The following CPAMD8 variants were observed in gnomAD, a reference collection of about 807,000 sequenced individuals.
The protein encoded by CPAMD8 is C3 and PZP-like alpha-2-macroglobulin domain-containing protein 8.
CPAMD8 carries 146 observed loss-of-function variants against 224.7 expected under a neutral mutation model. That is an observed-to-expected ratio of 0.65 (90% CI 0.57 to 0.75). CPAMD8 has a LOEUF of 0.75. Among genes scored for constraint, CPAMD8 ranks in the 30% least tolerant of loss-of-function variants. CPAMD8 has a pLI of 0.00. For synonymous variants in CPAMD8, 966 were observed against 1,044.6 expected, an observed-to-expected ratio of 0.92 and a Z score of 1.45; for missense variants, 2,301 against 2,537.5, an observed-to-expected ratio of 0.91 and a Z score of 2.00.
intron 20 of CPAMD8, among the ~76,000 whole-genome samples, chr19:16,949,543 C>T (rs1285848039): frequency 3.3e-5 from 5 of 152,130 alleles, no homozygotes; most frequent in Admixed American, 3.3e-4. Flanking sequence ...ATTTACTCCT[C>T]ACCGAAGCCA....
intron 14 of CPAMD8, 55 bp from the exon 15 acceptor site, chr19:16,977,595 C>A: frequency 2.2e-6 from 3 of 1,394,738 alleles, no homozygotes; most frequent in Non-Finnish European, 2.9e-6. Flanking sequence ...CGACATGCAA[C>A]CTCAGCCATT....
intron 21 of CPAMD8, among the ~76,000 whole-genome samples, chr19:16,946,264 G>C (rs1158262184): frequency 6.7e-6 from 1 of 150,192 alleles, no homozygotes; most frequent in Non-Finnish European, 1.5e-5. Context: ...ATGTGGGCAT[G>C]TGTGTGTGTG....
chr19:16,988,248 T>C (rs2055815073), intron 13 of CPAMD8, among the ~76,000 whole-genome samples: 1 of 152,096 alleles, frequency 6.6e-6, no homozygotes, highest in African/African-American at 2.4e-5. Flanking sequence ...CTGGGTGCAG[T>C]GGTGCCCTGG....
intron 32 of CPAMD8, 79 bp from the exon 33 acceptor site, chr19:16,903,936 TAG>T: frequency 6.9e-7 from 1 of 1,443,030 alleles, no homozygotes; most frequent in Non-Finnish European, 9.5e-7. Flanking sequence ...CTTGGAAGCC[TAG>T]CCTAAAACAG....
intron 7 of CPAMD8, among the ~76,000 whole-genome samples, chr19:17,005,862 C>T (rs963405798): frequency 4.6e-5 from 7 of 152,112 alleles, no homozygotes; most frequent in South Asian, 4.1e-4. Context: ...GTCCTGAGCA[C>T]GTGTTTTGTA....
At chr19:16,905,540 C>CA (rs5827346) in intron 30 of CPAMD8, among the ~76,000 whole-genome samples, 1,040 of 79,992 alleles carry the variant, frequency 0.013, 7 homozygotes, top group Non-Finnish European at 0.016. Flanking sequence ...AACTCCGTTT[C>CA]AAAAAAAAAA....
intron 34 of CPAMD8, 46 bp from the exon 35 acceptor site, chr19:16,902,909 T>C (rs1409606892): frequency 7.7e-7 from 1 of 1,297,788 alleles, no homozygotes; most frequent in Non-Finnish European, 1.1e-6. Flanking sequence ...GGGCCCTCCA[T>C]AACAGGTGCA....
chr19:16,938,698 A>G (rs2053780523), intron 22 of CPAMD8, among the ~76,000 whole-genome samples: 1 of 152,114 alleles, frequency 6.6e-6, no homozygotes, highest in African/African-American at 2.4e-5. Context: ...GAACTCACCA[A>G]CTGCTTCTAA....
In CPAMD8 at chr19:16,952,090, G is replaced by A. The variant is rs567617195; in HGVS notation, c.2387C>T (p.Pro796Leu). ...GGGCTTGAAGGTCTTCAGCAGGGAG[G>A]GCTCGGCGATGCCTAAGCCCTGAGA... ...STSQGLGIAEPSLLKTFKPFF... is the reference protein window; with the variant it reads ...STSQGLGIAELSLLKTFKPFF... Residue 796 changes from proline (P) to leucine (L), a missense_variant, in exon 20 of 42, where the codon CCC becomes CTC. Physicochemically the swap from Pro to Leu is moderately conservative, Grantham distance 98. Around this residue, in one of 4 missense-constraint regions of CPAMD8, gnomAD observed 1,709 missense variants for 1,753.2 expected, o/e 0.97. Transcript: ENST00000443236. 6.4e-7 allele frequency: 1 copy of A among 1,560,224 alleles called. No homozygotes were observed. The highest frequency in any genetic ancestry group is 1.2e-5 in the South Asian group (1 of 84,988).
intron 7 of CPAMD8, among the ~76,000 whole-genome samples, chr19:17,007,108 C>A (rs1417737370): frequency 6.6e-6 from 1 of 151,928 alleles, no homozygotes; most frequent in East Asian, 1.9e-4. Context: ...CCGAGGCGGG[C>A]GGATCACCTG....
Position 16,893,150 on chromosome 19 carries a change from C to A in CPAMD8, c.5616G>T (p.Gly1872=), listed in dbSNP as rs1165318080. The part of the protein sequence containing the change: ...FVYSPAFQSG[G]EEGLWMSNTC... The stretch of plus-strand genomic sequence containing the variant: ...TGTTTGACATCCATAAACCCTCCTC[C>A]CCACCACTCTGAAAGGCTGGGCTGT... Residue 1872 remains glycine, a synonymous_variant, in exon 42 of 42, where the codon GGG becomes GGT. Transcript: ENST00000443236. 1.9e-6 allele frequency: 3 copies of A among 1,574,068 alleles called. No homozygotes were observed. Among genetic ancestry groups the A allele is most frequent in the Admixed American group, 1.7e-5 (1 of 59,334 alleles).
chr19:17,022,218 C>G, intron 1 of CPAMD8, 37 bp from the exon 2 acceptor site: 3 of 1,594,390 alleles, frequency 1.9e-6, no homozygotes, highest in Non-Finnish European at 2.6e-6. Context: ...GTTCTCACCC[C>G]AGACCCCTGG....
Position 16,897,754 on chromosome 19 carries a change from C to T in CPAMD8, c.5002G>A (p.Ala1668Thr). Residue 1668 changes from alanine to threonine, a missense_variant, in exon 39 of 42, where the codon GCC becomes ACC. By Grantham distance (58) the Ala-to-Thr change is moderately conservative. This residue lies in a region of CPAMD8 where 1,709 missense variants were observed against 1,753.2 expected (regional missense o/e 0.97). Coordinates refer to ENST00000443236, the MANE Select transcript of CPAMD8 (RefSeq NM_015692.5). ...GCGGGTCCGGCGCACAGTTCCCGGG[C>T]GAGTGGGCTGTGGGTGCTGACGTTG... Reference protein sequence around the residue: ...FYNVSTHSPLARELCAGPACN... With the variant: ...FYNVSTHSPLTRELCAGPACN... 5 of 1,582,198 alleles carry T rather than the reference C, an allele frequency of 3.2e-6. No individual in the cohort carries two copies. The highest frequency in any genetic ancestry group is 1.9e-5 in the Admixed American group (1 of 53,940).
intron 8 of CPAMD8, among the ~76,000 whole-genome samples, chr19:17,003,507 A>C (rs2123057745): frequency 6.6e-6 from 1 of 151,748 alleles, no homozygotes; most frequent in South Asian, 2.1e-4. Context: ...GGCCTACAAT[A>C]CTTTTTTCTA....
At chr19:17,004,148 C>T (rs1349539067) in intron 8 of CPAMD8, 125 bp downstream of exon 8, 12 of 578,412 alleles carry the variant, frequency 2.1e-5, no homozygotes, top group South Asian at 1.4e-4. Context: ...TCAAGTGATC[C>T]GCCCACCTGG....
rs1208947938 is a variant in CPAMD8, at chr19:16,898,579, C to A, written c.4849-585G>T. On this transcript the variant is annotated intron_variant, in intron 37 of 41. Transcript: ENST00000443236. This position sits in a 1 kb window ranked among gnomAD's most constrained non-coding sequence, Gnocchi z 4.2. The stretch of plus-strand genomic sequence containing the variant: ...GTTACAGAACGGTTTCTTTCTCCCC[C>A]AAAGAAACCCCATCGCCATCAGCAC... 6.6e-6 allele frequency among the ~76,000 whole-genome samples: 1 copy of A among 152,086 alleles called. No individual in the cohort carries two copies. Among genetic ancestry groups the A allele is most frequent in the East Asian group, 1.9e-4 (1 of 5,194 alleles).
chr19:16,988,061 T>C (rs2055808820), intron 13 of CPAMD8, among the ~76,000 whole-genome samples: 1 of 152,208 alleles, frequency 6.6e-6, no homozygotes, highest in Non-Finnish European at 1.5e-5. Flanking sequence ...ACACACCTTA[T>C]GTAATCAGAA....
intron 17 of CPAMD8, among the ~76,000 whole-genome samples, chr19:16,973,838 T>TA (rs1453295767): frequency 6.7e-6 from 1 of 148,456 alleles, no homozygotes; most frequent in East Asian, 2.0e-4. Flanking sequence ...TTTTTTTTTT[T>TA]TTTTTTTTTT....
chr19:16,947,504 T>TGG (rs2054145998), intron 20 of CPAMD8, among the ~76,000 whole-genome samples: 1 of 152,172 alleles, frequency 6.6e-6, no homozygotes, highest in Non-Finnish European at 1.5e-5. Flanking sequence ...AGATCTCCCA[T>TGG]GGACTGAAGC....
Sources: allele counts gnomAD v4.1 joint callset (sites outside exome capture counted in the v4.1 genomes callset), GRCh38; gene constraint gnomAD v4.1.1; regional missense constraint gnomAD v4.1.1; non-coding constraint Gnocchi (gnomAD v3.1); transcripts MANE v1.5; gene names NCBI Gene and HGNC (gene_info 2026-07-23, HGNC 2026-07-21).